CALN1: variants seen among roughly 807,000 people sequenced by gnomAD.
The protein encoded by CALN1 is calneuron 1.
CALN1 carries 17 observed loss-of-function variants against 30.6 expected under a neutral mutation model. The observed-to-expected ratio is 0.56, with a 90% CI of 0.38 to 0.83. The LOEUF is 0.83. CALN1 is among the 40% of genes least tolerant of loss of function. The pLI is 0.00. For synonymous variants in CALN1, 156 were observed against 131.4 expected (o/e 1.19, Z -1.28); for missense variants, 291 against 354.9 (o/e 0.82, Z 1.45).
intron 3 of CALN1, among the ~76,000 whole-genome samples, chr7:72,126,222 A>G (rs1164923543): frequency 5.3e-5 from 8 of 151,782 alleles, no homozygotes; most frequent in African/African-American, 1.2e-4. Context: ...CCAACTCCAT[A>G]AAAGTTGCTT....
chr7:72,476,611 C>G, the CALN1 span, among the ~76,000 whole-genome samples: 2 of 152,190 alleles, frequency 1.3e-5, no homozygotes, highest in South Asian at 2.1e-4. Flanking sequence ...TCAACCCAAG[C>G]CTGCTAGTTT....
chr7:72,199,148 G>T (rs1399020995), intron 3 of CALN1, among the ~76,000 whole-genome samples: 1 of 152,098 alleles, frequency 6.6e-6, no homozygotes, highest in African/African-American at 2.4e-5. Context: ...GGTGGTGGGC[G>T]CCTGTAATCC....
At chr7:72,356,253 C>T (rs1803221961) in intron 2 of CALN1, among the ~76,000 whole-genome samples, 2 of 150,096 alleles carry the variant, frequency 1.3e-5, no homozygotes, top group African/African-American at 5.1e-5. Flanking sequence ...GGGTAAGGAG[C>T]ACTGGAAATA....
At chr7:72,247,548 C>T (rs1353739515) in intron 3 of CALN1, among the ~76,000 whole-genome samples, 2 of 152,082 alleles carry the variant, frequency 1.3e-5, no homozygotes, top group Non-Finnish European at 2.9e-5. Context: ...AGCCACCGTG[C>T]CCGCCCTCAA....
At chr7:72,442,516 G>A (rs1349523391) in intron 1 of CALN1, among the ~76,000 whole-genome samples, 1 of 152,150 alleles carries the variant, frequency 6.6e-6, no homozygotes, top group Non-Finnish European at 1.5e-5. Flanking sequence ...ATTTAGGATT[G>A]CACTTTATGT....
chr7:72,141,620 A>G (rs1244846562), intron 3 of CALN1, among the ~76,000 whole-genome samples: 1 of 152,056 alleles, frequency 6.6e-6, no homozygotes, highest in Non-Finnish European at 1.5e-5. Flanking sequence ...TCAGGTAGGA[A>G]TGCAATGGTG....
At chr7:72,091,679 G>C (rs1805872792) in intron 4 of CALN1, among the ~76,000 whole-genome samples, 1 of 152,222 alleles carries the variant, frequency 6.6e-6, no homozygotes, top group Non-Finnish European at 1.5e-5. Flanking sequence ...GACCAAGCCA[G>C]TCCATCAGTA....
intron 5 of CALN1, among the ~76,000 whole-genome samples, chr7:71,826,418 C>A (rs1788919212): frequency 6.6e-6 from 1 of 152,190 alleles, no homozygotes; most frequent in Non-Finnish European, 1.5e-5. Flanking sequence ...TCGTGGTTGA[C>A]TTTGAAAAGC....
chr7:71,842,993 C>T (rs543977097), intron 5 of CALN1, among the ~76,000 whole-genome samples: 18 of 152,220 alleles, frequency 1.2e-4, no homozygotes, highest in South Asian at 8.3e-4. Context: ...CTCCAGCATT[C>T]CAGGGTAGTG....
intron 5 of CALN1, among the ~76,000 whole-genome samples, chr7:71,833,301 T>C (rs1269497568): frequency 6.6e-6 from 1 of 152,200 alleles, no homozygotes; most frequent in African/African-American, 2.4e-5. Flanking sequence ...CATGCCCTGT[T>C]GGTGGTTTTA....
In CALN1 at chr7:71,962,172, C is replaced by T. The variant is rs546549635; in HGVS notation, c.501+61485G>A. On this transcript the variant is annotated intron_variant, in intron 5 of 6. Coordinates refer to ENST00000395275, the MANE Select transcript of CALN1 (RefSeq NM_031468.4). ...TTTTGAGAGGCCAAGGCTGGAGGAT[C>T]ACTTGAGGCCAGGAGTTTGAGACCA... is the stretch of plus-strand genomic sequence containing the variant. Among the ~76,000 whole-genome samples the T allele has an allele frequency of 2.0e-5, 3 of 151,666 alleles. No individual in the cohort carries two copies. The East Asian group carries it at 5.8e-4, about 29-fold the overall frequency.
At chr7:72,284,873 A>G (rs1797980196) in intron 2 of CALN1, among the ~76,000 whole-genome samples, 1 of 152,070 alleles carries the variant, frequency 6.6e-6, no homozygotes, top group Non-Finnish European at 1.5e-5. Context: ...ATGGATAGGT[A>G]GGTAGGTAGA....
At chr7:72,500,494 G>A in the CALN1 span, among the ~76,000 whole-genome samples, 1 of 150,936 alleles carries the variant, frequency 6.6e-6, no homozygotes, top group Non-Finnish European at 1.5e-5. Context: ...TGGCCAGGCT[G>A]GTCTCAAACT....
rs1486337519 is a variant in CALN1, at chr7:71,928,745, T to G, written c.501+94912A>C. The stretch of plus-strand genomic sequence containing the variant: ...ACTTTTATCGCCGCAAAAAGAAATA[T>G]TCTAGGCCTGGCGCAGTGGCTCATG... On this transcript the variant is annotated intron_variant, in intron 5 of 6. Transcript: ENST00000395275. Among the ~76,000 whole-genome samples, 4 of 152,106 alleles carry G rather than the reference T, an allele frequency of 2.6e-5. No individual in the cohort carries two copies. In the East Asian group the frequency reaches 7.7e-4, roughly 29 times the overall value.
chr7:71,986,063 T>G (rs1338384225), intron 5 of CALN1, among the ~76,000 whole-genome samples: 1 of 151,982 alleles, frequency 6.6e-6, no homozygotes, highest in Non-Finnish European at 1.5e-5. Context: ...TCTCTTTTTT[T>G]TTTGAGACAG....
At chr7:72,088,701 GA>G (rs71069024) in intron 4 of CALN1, among the ~76,000 whole-genome samples, 26,956 of 72,434 alleles carry the variant, frequency 0.37, 3,186 homozygotes, top group East Asian at 0.7. Flanking sequence ...TCCATCTCAA[GA>G]AAAAAAAAAA....
chr7:72,314,442 T>G (rs575886811), intron 2 of CALN1, among the ~76,000 whole-genome samples: 43 of 146,540 alleles, frequency 2.9e-4, no homozygotes, highest in South Asian at 1.1e-3. Context: ...TTTTTTTTTT[T>G]TGAGAGAGTC....
At chr7:71,974,562 C>T (rs1160027577) in intron 5 of CALN1, among the ~76,000 whole-genome samples, 1 of 151,920 alleles carries the variant, frequency 6.6e-6, no homozygotes, top group Admixed American at 6.6e-5. Context: ...TCTTCTGCTA[C>T]GATGCTTACT....
chr7:72,292,835 G>A (rs117381883), intron 2 of CALN1, among the ~76,000 whole-genome samples: 2,041 of 67,324 alleles, frequency 0.03, 34 homozygotes, highest in African/African-American at 0.079. Flanking sequence ...AAAAAAAAAA[G>A]AATTTCAACA....
Sources: allele counts gnomAD v4.1 joint callset (sites outside exome capture counted in the v4.1 genomes callset), GRCh38; gene constraint gnomAD v4.1.1; transcripts MANE v1.5; gene names NCBI Gene and HGNC (gene_info 2026-07-23, HGNC 2026-07-21).